LDB2: variants seen among roughly 807,000 people sequenced by gnomAD.
LDB2 encodes LIM domain-binding protein 2.
Under a neutral mutation model 44.3 loss-of-function variants are expected in LDB2, and 12 were observed. The observed-to-expected ratio is 0.27, with a 90% confidence interval of 0.17 to 0.44. The LOEUF (loss-of-function observed/expected upper bound fraction) is 0.44, where lower values mean the gene tolerates loss of function less well. Ranked by LOEUF, LDB2 falls within the 20% of genes least tolerant of loss-of-function variation. The pLI, the probability that LDB2 is intolerant of heterozygous loss-of-function variation, is 1.00. For missense variants in LDB2, 344 were observed against 473.5 expected (o/e 0.73, Z 2.54); for synonymous variants, 164 against 174.8 (o/e 0.94, Z 0.49).
intron 2 of LDB2, among the ~76,000 whole-genome samples, chr4:16,645,543 C>CAAAAAAAAAAA (rs34869059): frequency 1.2e-5 from 1 of 85,512 alleles, no homozygotes; most frequent in Non-Finnish European, 2.2e-5. Context: ...GACTCCGTCT[C>CAAAAAAAAAAA]AAAAAAAAAA....
At chr4:16,654,381 T>C (rs913135953) in intron 2 of LDB2, among the ~76,000 whole-genome samples, 4 of 152,188 alleles carry the variant, frequency 2.6e-5, no homozygotes. Flanking sequence ...GGAAAAATGA[T>C]AAAGAGTGTG....
intron 5 of LDB2, among the ~76,000 whole-genome samples, chr4:16,577,314 A>G (rs1320200890): frequency 6.6e-6 from 1 of 152,118 alleles, no homozygotes; most frequent in African/African-American, 2.4e-5. Context: ...ATAACATCTT[A>G]TATTTGGAAA....
At chr4:16,853,050 A>C (rs1788603042) in intron 1 of LDB2, among the ~76,000 whole-genome samples, 1 of 152,210 alleles carries the variant, frequency 6.6e-6, no homozygotes, top group Non-Finnish European at 1.5e-5. Context: ...TCACGTTTTC[A>C]AATATGCATG....
chr4:16,572,251 T>C (rs1299747770), intron 5 of LDB2, among the ~76,000 whole-genome samples: 1 of 152,192 alleles, frequency 6.6e-6, no homozygotes, highest in Non-Finnish European at 1.5e-5. Flanking sequence ...TTTTTAACCA[T>C]TCTAGACAAT....
chr4:16,766,421 T>C (rs1769222623), intron 1 of LDB2, among the ~76,000 whole-genome samples: 1 of 151,118 alleles, frequency 6.6e-6, no homozygotes, highest in African/African-American at 2.4e-5. Context: ...CATATATGTC[T>C]ATATATAAAT....
At chr4:16,884,982 T>C (rs78582584) in intron 1 of LDB2, among the ~76,000 whole-genome samples, 3,754 of 152,116 alleles carry the variant, frequency 0.025, 81 homozygotes, top group Non-Finnish European at 0.035. Context: ...GCCAATGCTA[T>C]GGGAGAGGAC....
chr4:16,560,539 G>A (rs1020138198), intron 5 of LDB2, among the ~76,000 whole-genome samples: 2 of 152,154 alleles, frequency 1.3e-5, no homozygotes, highest in Non-Finnish European at 2.9e-5. Context: ...TCTCTGAATA[G>A]ACCAATAACA....
At chr4:16,666,133 C>T (rs1481581757) in intron 2 of LDB2, among the ~76,000 whole-genome samples, 8 of 152,218 alleles carry the variant, frequency 5.3e-5, no homozygotes, top group South Asian at 2.1e-4. Context: ...GTTATAGCTG[C>T]GACATGAAAC....
chr4:16,740,666 A>T (rs139403118), intron 2 of LDB2, among the ~76,000 whole-genome samples: 2 of 152,286 alleles, frequency 1.3e-5, no homozygotes, highest in East Asian at 3.9e-4. Context: ...TCCATTGGAG[A>T]ACTGTGTTCA....
chr4:16,829,665 A>T (rs910558171), intron 1 of LDB2, among the ~76,000 whole-genome samples: 1 of 152,192 alleles, frequency 6.6e-6, no homozygotes, highest in African/African-American at 2.4e-5. Context: ...TTGTTTTCAT[A>T]AGTAAAAGGA....
intron 2 of LDB2, among the ~76,000 whole-genome samples, chr4:16,718,113 G>C (rs576190724): frequency 6.8e-4 from 104 of 151,942 alleles, no homozygotes; most frequent in Non-Finnish European, 1.4e-3. Context: ...TATTGGTGGG[G>C]GGTAGAGTAT....
Position 16,690,459 on chromosome 4 carries a change from C to CAGGAAGGAAGGA in LDB2, c.235+68687_235+68698dup, listed in dbSNP as rs768921074. Among the ~76,000 whole-genome samples the CAGGAAGGAAGGA allele has an allele frequency of 1.6e-4, 8 of 50,298 alleles. 1 individual carries two copies. Among genetic ancestry groups the CAGGAAGGAAGGA allele is most frequent in the Non-Finnish European group, 2.9e-4 (8 of 27,864 alleles). 33.0% of individuals were successfully genotyped at this position (50,298 alleles called of 152,430 possible). On this transcript the variant is annotated intron_variant, in intron 2 of 7. Transcript: ENST00000304523. ...CCTGGGCAACCGGAGGAAGACCCTG[C>CAGGAAGGAAGGA]AGGAAGGAAGGAAGGAAGGAAGGGA...
intron 2 of LDB2, among the ~76,000 whole-genome samples, chr4:16,724,222 C>T (rs1758938016): frequency 6.6e-6 from 1 of 151,978 alleles, no homozygotes; most frequent in African/African-American, 2.4e-5. Flanking sequence ...GTCCCAAGGT[C>T]TGTTATATTT....
intron 2 of LDB2, among the ~76,000 whole-genome samples, chr4:16,711,979 A>G (rs1311937909): frequency 6.6e-6 from 1 of 152,220 alleles, no homozygotes; most frequent in East Asian, 1.9e-4. Flanking sequence ...AACTTTTAGA[A>G]GATAACATAG....
At chr4:16,732,081 G>C (rs1760879678) in intron 2 of LDB2, among the ~76,000 whole-genome samples, 1 of 152,096 alleles carries the variant, frequency 6.6e-6, no homozygotes, top group South Asian at 2.1e-4. Context: ...AAGTTGCTTA[G>C]ATTCTAATCT....
At chr4:16,777,246 G>A (rs115843104) in intron 1 of LDB2, among the ~76,000 whole-genome samples, 95 of 152,284 alleles carry the variant, frequency 6.2e-4, no homozygotes, top group African/African-American at 2.3e-3. Context: ...AATGACGTGA[G>A]GGTGGAGCAT....
At chr4:16,781,332 A>C (rs558787077) in intron 1 of LDB2, among the ~76,000 whole-genome samples, 1 of 152,210 alleles carries the variant, frequency 6.6e-6, no homozygotes, top group African/African-American at 2.4e-5. Context: ...ATGAGTCTTC[A>C]CAGAGTAACT....
intron 4 of LDB2, 91 bp from the exon 5 acceptor site, chr4:16,586,096 A>G (rs1360580397): frequency 2.2e-6 from 2 of 923,474 alleles, no homozygotes; most frequent in Admixed American, 1.9e-5. Context: ...AAGAAATGCA[A>G]TCTCGACATT....
intron 3 of LDB2, among the ~76,000 whole-genome samples, chr4:16,594,777 G>A (rs1475302098): frequency 6.6e-6 from 1 of 152,316 alleles, no homozygotes; most frequent in Non-Finnish European, 1.5e-5. Context: ...AGTATAAAGA[G>A]AGCGTTGTCA....
Sources: gnomAD v4.1 joint callset for allele counts (sites outside exome capture counted in the v4.1 genomes callset) on GRCh38, gnomAD v4.1.1 for gene constraint, MANE v1.5 for transcripts, NCBI Gene and HGNC (gene_info 2026-07-23, HGNC 2026-07-21) for gene names.